Variants in GALNT18 observed in about 807,000 individuals in gnomAD.
GALNT18 encodes the protein GalNAc-transferase 18.
A neutral mutation model predicts 69.5 loss-of-function variants in GALNT18; 44 were observed. The observed-to-expected ratio is 0.63, with a 90% CI of 0.50 to 0.81. The LOEUF is 0.81. Ranked by LOEUF, GALNT18 falls within the 40% of genes least tolerant of loss-of-function variation. The pLI is 0.00. For synonymous variants in GALNT18, 364 were observed against 318.2 expected (o/e 1.14, Z -1.53); for missense variants, 715 against 810.0 (o/e 0.88, Z 1.42).
At position 11,332,742 on chromosome 11, in the gene GALNT18, G is replaced by A. The variant is rs140408899; in HGVS notation, c.1368C>T (p.Ser456=). 434 of 1,614,072 alleles carry A rather than the reference G, an allele frequency of 2.7e-4. 1 individual carries two copies. Among genetic ancestry groups the A allele is most frequent in the South Asian group, 1.0e-3 (92 of 91,074 alleles). Reference sequence around the variant, plus strand: ...AGTACATCCTCATCTCTGGGTACACGCTGACCAGGTACCACCGGAAGGTCT... The same window carrying A: ...AGTACATCCTCATCTCTGGGTACACACTGACCAGGTACCACCGGAAGGTCT... ...QCKTFRWYLV[S]VYPEMRMYSD... Residue 456 remains serine (S), a synonymous_variant, in exon 8 of 11, where the codon AGC becomes AGT. Coordinates refer to ENST00000227756, the MANE Select transcript of GALNT18 (RefSeq NM_198516.3). The surrounding 1 kb of genome is among the most constrained non-coding windows in gnomAD (Gnocchi z 4.3).
At chr11:11,417,257 A>C (rs1448996608) in intron 3 of GALNT18, among the ~76,000 whole-genome samples, 1 of 152,230 alleles carries the variant, frequency 6.6e-6, no homozygotes, top group East Asian at 1.9e-4. Context: ...GATGCCCTCA[A>C]ATTGTGCACA....
chr11:11,400,403 C>G (rs1854433272), intron 3 of GALNT18, among the ~76,000 whole-genome samples: 1 of 152,220 alleles, frequency 6.6e-6, no homozygotes, highest in South Asian at 2.1e-4. Context: ...TCCTTCATAT[C>G]CTTGAGGAAG....
intron 9 of GALNT18, among the ~76,000 whole-genome samples, chr11:11,323,113 C>A (rs1052288891): frequency 6.6e-6 from 1 of 152,136 alleles, no homozygotes; most frequent in Non-Finnish European, 1.5e-5. Context: ...ACATTCTGCC[C>A]CTGGCTTCCT....
chr11:11,378,680 G>T (rs1292391796), intron 4 of GALNT18, among the ~76,000 whole-genome samples: 1 of 152,234 alleles, frequency 6.6e-6, no homozygotes, highest in Non-Finnish European at 1.5e-5. Context: ...ACTTGCTGTT[G>T]GCCCTGGCTG....
chr11:11,529,966 G>A (rs2133940454), intron 1 of GALNT18, among the ~76,000 whole-genome samples: 1 of 152,296 alleles, frequency 6.6e-6, no homozygotes. Context: ...CCTCAGCACT[G>A]AAGGGTGCTT....
chr11:11,490,234 A>AC (rs1856738130), intron 1 of GALNT18, among the ~76,000 whole-genome samples: 3 of 125,096 alleles, frequency 2.4e-5, no homozygotes, highest in East Asian at 2.4e-4. Flanking sequence ...CTCTCTCTCT[A>AC]ACACACACAC....
At chr11:11,574,434 C>T (rs1858871308) in intron 1 of GALNT18, among the ~76,000 whole-genome samples, 1 of 152,174 alleles carries the variant, frequency 6.6e-6, no homozygotes, top group African/African-American at 2.4e-5. Context: ...ATTTTGATAT[C>T]AAAACATAAG....
intron 1 of GALNT18, among the ~76,000 whole-genome samples, chr11:11,478,856 C>A (rs1273174403): frequency 2.1e-5 from 1 of 47,020 alleles, no homozygotes; most frequent in African/African-American, 9.0e-5. Context: ...GAGATGGGGG[C>A]GGGGGAGGGG....
chr11:11,592,293 C>T lies in GALNT18; in HGVS notation c.235+29066G>A, dbSNP rs746578785. Among the ~76,000 whole-genome samples the T allele has an allele frequency of 4.6e-5, 7 of 152,046 alleles. No individual in the cohort carries two copies. The highest frequency in any genetic ancestry group is 1.2e-4 in the African/African-American group (5 of 41,380). On this transcript the variant is annotated intron_variant, in intron 1 of 10. Transcript: ENST00000227756. This position sits in a 1 kb window ranked among gnomAD's most constrained non-coding sequence, Gnocchi z 5.9. Reference sequence around the variant, plus strand: ...GTGAAATGCTAAGAAATTATATGCACGGTTACGAAAAAAAATCAAAGATGT... The same window carrying T: ...GTGAAATGCTAAGAAATTATATGCATGGTTACGAAAAAAAATCAAAGATGT...
Position 11,315,962 on chromosome 11 carries a change from C to G in GALNT18, c.1512+11124G>C, listed in dbSNP as rs774508527. On this transcript the variant is annotated intron_variant, in intron 9 of 10. Coordinates refer to ENST00000227756, the MANE Select transcript of GALNT18 (RefSeq NM_198516.3). This position sits in a 1 kb window ranked among gnomAD's most constrained non-coding sequence, Gnocchi z 5.6. Reference sequence around the variant, plus strand: ...CCTCACAGGGCCAGTCCCCGCATCACTCTGTACTGACATGAATGGTGGCCC... The same window carrying G: ...CCTCACAGGGCCAGTCCCCGCATCAGTCTGTACTGACATGAATGGTGGCCC... Among the ~76,000 whole-genome samples, 5 of 152,038 alleles carry G rather than the reference C, an allele frequency of 3.3e-5. No homozygotes were observed. The highest frequency in any genetic ancestry group is 5.9e-5 in the Non-Finnish European group (4 of 68,032).
At chr11:11,331,463 C>A (rs1176019898) in intron 8 of GALNT18, among the ~76,000 whole-genome samples, 3 of 152,154 alleles carry the variant, frequency 2.0e-5, no homozygotes, top group Non-Finnish European at 2.9e-5. Context: ...GCACTGAGCC[C>A]AATTTCTCAG....
intron 1 of GALNT18, among the ~76,000 whole-genome samples, chr11:11,560,173 T>C (rs1329105804): frequency 2.3e-4 from 29 of 128,254 alleles, no homozygotes; most frequent in Admixed American, 3.2e-4. Context: ...TGGGATGGGA[T>C]AGAATGAGAT....
chr11:11,477,439 C>T (rs1384645013), intron 1 of GALNT18, among the ~76,000 whole-genome samples: 1 of 152,212 alleles, frequency 6.6e-6, no homozygotes, highest in Non-Finnish European at 1.5e-5. Flanking sequence ...TCTTAAATAT[C>T]TGCCTGGGCC....
At chr11:11,477,777 A>G (rs72865410) in intron 1 of GALNT18, among the ~76,000 whole-genome samples, 8,656 of 152,292 alleles carry the variant, frequency 0.057, 347 homozygotes, top group Middle Eastern at 0.095. Flanking sequence ...ACTTACTCTT[A>G]CTGAGCACAT....
At position 11,327,155 on chromosome 11, in the gene GALNT18, C is replaced by A; in HGVS notation, c.1443G>T (p.Leu481Phe). The change falls in exon 9 of 11, where the codon TTG becomes TTT. Residue 481 changes from leucine (L) to phenylalanine (F), a missense_variant. Transcript: ENST00000227756. ...GVLQNSLKTD[L>F]CLDQGPDTEN... ...CTGTATCTGGCCCCTGGTCAAGACA[C>A]AAATCAGTCTTCAGAGAATTCTGCA... The A allele has an allele frequency of 6.2e-7, 1 of 1,614,044 alleles. No homozygotes were observed. Among genetic ancestry groups the A allele is most frequent in the Non-Finnish European group, 8.5e-7 (1 of 1,179,884 alleles).
At chr11:11,455,600 G>A (rs1261849735) in intron 1 of GALNT18, among the ~76,000 whole-genome samples, 1 of 152,230 alleles carries the variant, frequency 6.6e-6, no homozygotes, top group African/African-American at 2.4e-5. Context: ...GTACAGATCG[G>A]AAACCAAGAA....
At chr11:11,466,299 G>T (rs1844508925) in intron 1 of GALNT18, among the ~76,000 whole-genome samples, 1 of 152,128 alleles carries the variant, frequency 6.6e-6, no homozygotes, top group Non-Finnish European at 1.5e-5. Context: ...CGTGAATATT[G>T]AAATCCCTAC....
chr11:11,407,362 TG>T (rs1300135556), intron 3 of GALNT18, among the ~76,000 whole-genome samples: 1 of 152,108 alleles, frequency 6.6e-6, no homozygotes, highest in African/African-American at 2.4e-5. Context: ...AACATTCCCT[TG>T]AGGAAACAGA....
intron 1 of GALNT18, among the ~76,000 whole-genome samples, chr11:11,516,410 T>C (rs4522165): frequency 0.024 from 3,685 of 152,086 alleles, 153 homozygotes; most frequent in African/African-American, 0.085. Context: ...AGTGGGAAAA[T>C]CACCTGAGGT....
Sources: gnomAD v4.1 joint callset for allele counts (sites outside exome capture counted in the v4.1 genomes callset) on GRCh38, gnomAD v4.1.1 for gene constraint, Gnocchi (gnomAD v3.1) non-coding constraint, MANE v1.5 for transcripts, NCBI Gene and HGNC (gene_info 2026-07-23, HGNC 2026-07-21) for gene names.